Variants in B4GALNT3 observed in about 807,000 individuals in gnomAD.
B4GALNT3 encodes beta-1,4-N-acetylgalactosaminyltransferase 3.
In B4GALNT3, 86 loss-of-function variants were observed where a neutral mutation model predicts 120.2. The ratio of observed to expected loss-of-function variants is 0.72; its 90% confidence interval spans 0.60 to 0.86. The LOEUF is 0.86. Ranked by LOEUF, B4GALNT3 falls within the 40% of genes least tolerant of loss-of-function variation. The pLI is 0.00. For missense variants in B4GALNT3, 1,167 were observed against 1,298.9 expected (o/e 0.90, Z 1.56); for synonymous variants, 518 against 510.4 (o/e 1.01, Z -0.20).
At chr12:466,161 A>G (rs532858127) in intron 1 of B4GALNT3, among the ~76,000 whole-genome samples, 33 of 152,126 alleles carry the variant, frequency 2.2e-4, no homozygotes, top group African/African-American at 6.3e-4. Context: ...GACGCTGTGC[A>G]TGGTTATAAC....
intron 1 of B4GALNT3, among the ~76,000 whole-genome samples, chr12:461,540 C>G (rs1184331139): frequency 1.3e-5 from 2 of 152,260 alleles, no homozygotes; most frequent in Non-Finnish European, 1.5e-5. Flanking sequence ...GTGCCCAACG[C>G]AAGCCCGGGG....
Position 553,322 on chromosome 12 carries a change from G to A in B4GALNT3, c.1399G>A (p.Ala467Thr), listed in dbSNP as rs760289488. The stretch of plus-strand genomic sequence containing the variant: ...ACCTGCCTCCACCCTGGAGCAAGAT[G>A]CCACTGACTACCGCCTCCGAAGCCT... ...QTPASTLEQD[A>T]TDYRLRSLRK... is the part of the protein sequence containing the mutation. The change falls in exon 14 of 20, where the codon GCC (alanine) becomes ACC (threonine). Residue 467 changes from alanine (A) to threonine (T), a missense_variant. By Grantham distance (58) the Ala-to-Thr change is moderately conservative. Transcript: ENST00000266383. 1 of 1,613,714 alleles carries A rather than the reference G, an allele frequency of 6.2e-7. No homozygotes were observed. Among genetic ancestry groups the A allele is most frequent in the Non-Finnish European group, 8.5e-7 (1 of 1,180,046 alleles).
intron 3 of B4GALNT3, among the ~76,000 whole-genome samples, chr12:540,754 T>C (rs1230652272): frequency 6.6e-6 from 1 of 151,932 alleles, no homozygotes; most frequent in African/African-American, 2.4e-5. Context: ...TTTCTTTTCT[T>C]TTTTTTTGAG....
At chr12:490,924 G>T (rs779477425) in intron 1 of B4GALNT3, among the ~76,000 whole-genome samples, 2 of 152,190 alleles carry the variant, frequency 1.3e-5, no homozygotes, top group Non-Finnish European at 2.9e-5. Context: ...GCCCAGATGG[G>T]TCTGCAGATG....
At chr12:494,821 G>A (rs1946374035) in intron 1 of B4GALNT3, among the ~76,000 whole-genome samples, 1 of 151,562 alleles carries the variant, frequency 6.6e-6, no homozygotes, top group Admixed American at 6.6e-5. Context: ...ATGTGTGCGG[G>A]GGGGAGTCTT....
chr12:547,288 CTG>C (rs1037038113), intron 7 of B4GALNT3, among the ~76,000 whole-genome samples: 2 of 152,148 alleles, frequency 1.3e-5, no homozygotes, highest in Admixed American at 1.3e-4. Flanking sequence ...AGTAGGGTGA[CTG>C]TAGTAACAAC....
At chr12:503,936 GA>G (rs1253084162) in intron 1 of B4GALNT3, among the ~76,000 whole-genome samples, 2 of 152,096 alleles carry the variant, frequency 1.3e-5, no homozygotes, top group Non-Finnish European at 2.9e-5. Context: ...CCAACATGGT[GA>G]AACCCCGTCT....
intron 1 of B4GALNT3, among the ~76,000 whole-genome samples, chr12:466,242 A>T (rs191584772): frequency 1.3e-5 from 2 of 152,276 alleles, no homozygotes; most frequent in East Asian, 3.9e-4. Flanking sequence ...AGTACGCTGC[A>T]GTAATTTTCC....
At chr12:512,769 CGCCTTCT>C (rs143741106) in intron 1 of B4GALNT3, among the ~76,000 whole-genome samples, 14,510 of 131,356 alleles carry the variant, frequency 0.11, 1,363 homozygotes, top group Non-Finnish European at 0.13. Flanking sequence ...TTCCGCCTTC[CGCCTTCT>C]GCCTTCCTTC....
At chr12:534,450 C>T (rs1946838103) in intron 1 of B4GALNT3, among the ~76,000 whole-genome samples, 1 of 152,102 alleles carries the variant, frequency 6.6e-6, no homozygotes, top group Non-Finnish European at 1.5e-5. Flanking sequence ...CTTGTGAATG[C>T]GCGTGCACCC....
At chr12:555,745 T>A (rs1318674259) in intron 14 of B4GALNT3, among the ~76,000 whole-genome samples, 12 of 152,338 alleles carry the variant, frequency 7.9e-5, no homozygotes, top group Non-Finnish European at 1.8e-4. Flanking sequence ...TATCAACACT[T>A]GTTACTTTTC....
At chr12:523,364 T>G (rs1413396907) in intron 1 of B4GALNT3, among the ~76,000 whole-genome samples, 1 of 152,240 alleles carries the variant, frequency 6.6e-6, no homozygotes, top group Non-Finnish European at 1.5e-5. Context: ...CCCAGGCAAT[T>G]TAATCCTTTT....
intron 1 of B4GALNT3, among the ~76,000 whole-genome samples, chr12:482,660 G>A (rs1946252984): frequency 6.6e-6 from 1 of 152,164 alleles, no homozygotes; most frequent in African/African-American, 2.4e-5. Flanking sequence ...ATGGGGATGT[G>A]ATTGGAGAGA....
chr12:552,693 CTT>C (rs1947099277), intron 13 of B4GALNT3, 165 bp downstream of exon 13: 1 of 636,220 alleles, frequency 1.6e-6, no homozygotes, highest in African/African-American at 1.8e-5. Context: ...TGACTCCTGC[CTT>C]TTCCATATCC....
intron 18 of B4GALNT3, among the ~76,000 whole-genome samples, chr12:558,977 T>C (rs1465326129): frequency 6.6e-6 from 1 of 151,812 alleles, no homozygotes; most frequent in African/African-American, 2.4e-5. Flanking sequence ...AAAGGTAGCC[T>C]CCCTGCCTGT....
At chr12:514,557 G>A (rs1037656973) in intron 1 of B4GALNT3, among the ~76,000 whole-genome samples, 1 of 152,160 alleles carries the variant, frequency 6.6e-6, no homozygotes, top group Non-Finnish European at 1.5e-5. Context: ...AGGAAGGCAT[G>A]GAAGGTTGTT....
In B4GALNT3 at chr12:561,740, G is replaced by A. The variant is rs1592062036; in HGVS notation, c.*289G>A. 2.8e-6 allele frequency: 1 copy of A among 358,528 alleles called. No individual in the cohort carries two copies. The allele number at this position is 358,528 out of a possible 1,614,324, so 22.2% of individuals were successfully genotyped here. A position where few individuals can be genotyped will look rare whatever the true frequency, so the allele number is the denominator to read the frequency against. On this transcript the variant is annotated 3_prime_UTR_variant, in exon 20 of 20. Coordinates refer to ENST00000266383, the MANE Select transcript of B4GALNT3 (RefSeq NM_173593.4). ...CCTGAGAAGGACGGGTCAGGAAGGA[G>A]AGATCTGACTGAGCGACACCATCCT...
intron 1 of B4GALNT3, among the ~76,000 whole-genome samples, chr12:522,316 G>A (rs1201991999): frequency 6.6e-6 from 1 of 152,170 alleles, no homozygotes; most frequent in Non-Finnish European, 1.5e-5. Context: ...CCATACAATA[G>A]GATATTCAGC....
At chr12:488,152 A>G (rs113491170) in intron 1 of B4GALNT3, among the ~76,000 whole-genome samples, 95 of 152,122 alleles carry the variant, frequency 6.2e-4, no homozygotes, top group Admixed American at 3.1e-3. Flanking sequence ...AGAAGAAGAA[A>G]AAAAAAAAAA....
Sources: allele counts gnomAD v4.1 joint callset (sites outside exome capture counted in the v4.1 genomes callset), GRCh38; gene constraint gnomAD v4.1.1; transcripts MANE v1.5; gene names NCBI Gene and HGNC (gene_info 2026-07-23, HGNC 2026-07-21).